The following FGFR2 variants were observed in gnomAD, a reference collection of about 807,000 sequenced individuals.
FGFR2 encodes the protein BEK fibroblast growth factor receptor.
FGFR2 carries 19 observed loss-of-function variants against 95.9 expected under a neutral mutation model. The ratio of observed to expected loss-of-function variants is 0.20; its 90% CI spans 0.14 to 0.29. The LOEUF is 0.29. Among genes scored for constraint, FGFR2 ranks in the 10% least tolerant of loss-of-function variants. The probability of loss-of-function intolerance (pLI) is 1.00; values close to 1 mark genes in which losing one functional copy is unlikely to be tolerated. For missense variants in FGFR2, 707 were observed against 1,056.9 expected, an observed-to-expected ratio of 0.67 and a Z score of 4.59; for synonymous variants, 392 against 393.3, an observed-to-expected ratio of 1.00 and a Z score of 0.04.
intron 2 of FGFR2, among the ~76,000 whole-genome samples, chr10:121,571,390 C>T (rs1410756915): frequency 6.8e-6 from 1 of 147,898 alleles, no homozygotes; most frequent in Non-Finnish European, 1.5e-5. Flanking sequence ...GCTCCACCTC[C>T]TGGGTTCAAG....
chr10:121,491,169 C>T (rs1164113514), intron 13 of FGFR2, among the ~76,000 whole-genome samples: 1 of 152,172 alleles, frequency 6.6e-6, no homozygotes, highest in Admixed American at 6.5e-5. Flanking sequence ...CTGACGGCTC[C>T]CTCCACCATC....
intron 9 of FGFR2, 103 bp downstream of exon 9, chr10:121,515,013 TG>T: frequency 9.2e-7 from 1 of 1,087,846 alleles, no homozygotes; most frequent in Non-Finnish European, 1.4e-6. Context: ...CACTCGCACA[TG>T]GAAGCTCACA....
intron 7 of FGFR2, 23 bp downstream of exon 7, chr10:121,519,956 C>CT: frequency 6.2e-7 from 1 of 1,613,676 alleles, no homozygotes; most frequent in South Asian, 1.1e-5. Flanking sequence ...TTGTGGGTAC[C>CT]TTTAGATTCA....
At position 121,572,622 on chromosome 10, in the gene FGFR2, C is replaced by CA. The variant is rs765977820; in HGVS notation, c.110-6919dup. Among the ~76,000 whole-genome samples the CA allele has an allele frequency of 3.4e-3, 498 of 146,250 alleles. 1 individual carries two copies. Among genetic ancestry groups the CA allele is most frequent in the African/African-American group, 8.3e-3 (330 of 39,948 alleles). ...GCGACATGAGTGAAACTGTCTCAAA[C>CA]AAAAAAAAAACACAAATAAATAAAT... is the stretch of plus-strand genomic sequence containing the variant. On this transcript the variant is annotated intron_variant, in intron 2 of 17. Transcript: ENST00000358487.
intron 5 of FGFR2, among the ~76,000 whole-genome samples, chr10:121,539,953 C>G (rs1564952384): frequency 6.6e-6 from 1 of 152,204 alleles, no homozygotes; most frequent in African/African-American, 2.4e-5. Context: ...TTAAGAGATG[C>G]GAAGAGCACA....
chr10:121,571,949 A>T (rs1858840334), intron 2 of FGFR2, among the ~76,000 whole-genome samples: 1 of 142,320 alleles, frequency 7.0e-6, no homozygotes, highest in Non-Finnish European at 1.6e-5. Flanking sequence ...ATCTCAAAAA[A>T]AAAATAAAAA....
At chr10:121,511,093 C>T (rs1208297837) in intron 9 of FGFR2, among the ~76,000 whole-genome samples, 2 of 151,952 alleles carry the variant, frequency 1.3e-5, no homozygotes, top group Admixed American at 1.3e-4. Flanking sequence ...GCATGAGCCA[C>T]GGCACCCAGT....
Position 121,518,237 on chromosome 10 carries a change from A to AAACC in FGFR2, c.940-775_940-774insGGTT, listed in dbSNP as rs1306209677. Among the ~76,000 whole-genome samples the AAACC allele has an allele frequency of 6.6e-6, 1 of 152,248 alleles. No homozygotes were observed. Among genetic ancestry groups the AAACC allele is most frequent in the African/African-American group, 2.4e-5 (1 of 41,470 alleles). ...ACTCATAAGGATCAACCATGCAACC[A>AAACC]AAGAAATGATGCTTTGTTGAACAAA... On this transcript the variant is annotated intron_variant, in intron 7 of 17. Coordinates refer to ENST00000358487, the MANE Select transcript of FGFR2 (RefSeq NM_000141.5). The surrounding 1 kb of genome is among the most constrained non-coding windows in gnomAD (Gnocchi z 4.0).
Position 121,498,540 on chromosome 10 carries a change from T to C in FGFR2, c.1627A>G (p.Lys543Glu). The C allele has an allele frequency of 6.2e-7, 1 of 1,614,080 alleles. No individual in the cohort carries two copies. The highest frequency in any genetic ancestry group is 8.5e-7 in the Non-Finnish European group (1 of 1,179,928). ...SEMEMMKMIGKHKNIINLLGA... is the reference protein window; with the variant it reads ...SEMEMMKMIGEHKNIINLLGA... ...AGAAGATTTATGATATTCTTGTGTT[T>C]CCCAATCATCTTCATCATCTCCATC... The change falls in exon 12 of 18, where the codon AAA becomes GAA. Residue 543 changes from lysine to glutamate, a missense_variant. Around this residue, in one of 7 missense-constraint regions of FGFR2, gnomAD observed 194 missense variants for 267.3 expected, o/e 0.73. Coordinates refer to ENST00000358487, the MANE Select transcript of FGFR2 (RefSeq NM_000141.5).
At chr10:121,556,502 G>C (rs1211559370) in intron 4 of FGFR2, among the ~76,000 whole-genome samples, 1 of 151,398 alleles carries the variant, frequency 6.6e-6, no homozygotes, top group Non-Finnish European at 1.5e-5. Context: ...TTACCAGGCT[G>C]TACCAAAAGA....
intron 4 of FGFR2, among the ~76,000 whole-genome samples, chr10:121,558,226 A>T (rs1048343252): frequency 1.3e-5 from 2 of 152,232 alleles, no homozygotes; most frequent in African/African-American, 4.8e-5. Flanking sequence ...GTACCTAGGG[A>T]AGGCAAGAAC....
chr10:121,486,349 C>CT (rs1299414973), intron 15 of FGFR2, among the ~76,000 whole-genome samples: 4 of 152,046 alleles, frequency 2.6e-5, no homozygotes, highest in Admixed American at 1.3e-4. Context: ...ATAGTCATGT[C>CT]TTTTTTTTAG....
At chr10:121,520,227 TA>T in intron 6 of FGFR2, 58 bp from the exon 7 acceptor site, 1 of 1,536,548 alleles carries the variant, frequency 6.5e-7, no homozygotes, top group Non-Finnish European at 8.8e-7. Flanking sequence ...GACCAATAAA[TA>T]AGCTGTGTTG....
At chr10:121,596,100 C>T (rs1426216102) in intron 1 of FGFR2, among the ~76,000 whole-genome samples, 1 of 152,246 alleles carries the variant, frequency 6.6e-6, no homozygotes, top group Non-Finnish European at 1.5e-5. Context: ...CCTTCAATAC[C>T]ATAATCCTTC....
intron 6 of FGFR2, 53 bp downstream of exon 6, chr10:121,538,539 T>A (rs2134597532): frequency 6.2e-7 from 1 of 1,612,986 alleles, no homozygotes; most frequent in Non-Finnish European, 8.5e-7. Context: ...TTCAAACGAG[T>A]CAAGCAAGAA....
intron 2 of FGFR2, among the ~76,000 whole-genome samples, chr10:121,578,356 T>C (rs1042339823): frequency 5.9e-5 from 9 of 152,200 alleles, no homozygotes; most frequent in African/African-American, 2.2e-4. Context: ...CTCTGCTGCC[T>C]GGCAGGCTCC....
intron 12 of FGFR2, among the ~76,000 whole-genome samples, chr10:121,497,930 C>G (rs41293749): frequency 6.6e-6 from 1 of 152,182 alleles, no homozygotes; most frequent in Non-Finnish European, 1.5e-5. Flanking sequence ...CAAAGATAGG[C>G]GTTTTCAAGT....
intron 5 of FGFR2, among the ~76,000 whole-genome samples, chr10:121,549,237 A>G (rs111463128): frequency 0.013 from 1,906 of 152,334 alleles, 40 homozygotes; most frequent in African/African-American, 0.044. Flanking sequence ...AATCCTTTAA[A>G]GATGAATAAC....
At chr10:121,538,544 C>T (rs1853208018) in intron 6 of FGFR2, 48 bp downstream of exon 6, 2 of 1,614,052 alleles carry the variant, frequency 1.2e-6, no homozygotes, top group African/African-American at 2.7e-5. Context: ...ACGAGTCAAG[C>T]AAGAATGGGC....
Sources: allele counts gnomAD v4.1 joint callset (sites outside exome capture counted in the v4.1 genomes callset), GRCh38; gene constraint gnomAD v4.1.1; regional missense constraint gnomAD v4.1.1; non-coding constraint Gnocchi (gnomAD v3.1); transcripts MANE v1.5; gene names NCBI Gene and HGNC (gene_info 2026-07-23, HGNC 2026-07-21).